The following GRID1 variants were observed in gnomAD, a reference collection of about 807,000 sequenced individuals.
The protein encoded by GRID1 is glutamate receptor ionotropic, delta-1.
In GRID1, 28 loss-of-function variants were observed where a neutral mutation model predicts 98.0. That is an observed-to-expected ratio of 0.29 (90% CI 0.21 to 0.39). The LOEUF is 0.39. Ranked by LOEUF, GRID1 falls within the 10% of genes least tolerant of loss-of-function variation. GRID1 has a pLI of 1.00. For missense variants in GRID1, 1,111 were observed against 1,340.5 expected, an observed-to-expected ratio of 0.83 and a Z score of 2.67; for synonymous variants, 553 against 538.5, an observed-to-expected ratio of 1.03 and a Z score of -0.37.
chr10:85,898,388 T>C (rs536750646), intron 5 of GRID1, among the ~76,000 whole-genome samples: 23 of 152,136 alleles, frequency 1.5e-4, no homozygotes, highest in Non-Finnish European at 3.2e-4. Flanking sequence ...ACACTAAACA[T>C]AGGCAACACT....
intron 2 of GRID1, among the ~76,000 whole-genome samples, chr10:86,285,503 G>A (rs1847418464): frequency 6.6e-6 from 1 of 152,194 alleles, no homozygotes; most frequent in African/African-American, 2.4e-5. Context: ...CCAGCCCAGG[G>A]CCCCTGCCGA....
chr10:85,705,377 C>T (rs146127221), intron 12 of GRID1, among the ~76,000 whole-genome samples: 2,965 of 152,172 alleles, frequency 0.019, 50 homozygotes, highest in East Asian at 0.06. Context: ...ATAAATTCCT[C>T]GAAACATACA....
At chr10:86,361,775 A>G (rs1277911886) in intron 2 of GRID1, among the ~76,000 whole-genome samples, 1 of 152,268 alleles carries the variant, frequency 6.6e-6, no homozygotes, top group Non-Finnish European at 1.5e-5. Context: ...AAATCAGCAC[A>G]TCTACAACAG....
chr10:86,052,567 T>A (rs1218535567), intron 4 of GRID1: 1 of 152,144 alleles, frequency 6.6e-6, no homozygotes, highest in Non-Finnish European at 1.5e-5. Context: ...GCTGTCGGCT[T>A]TTTAAATGAA....
chr10:85,764,059 A>G (rs1842173918), intron 8 of GRID1, among the ~76,000 whole-genome samples: 1 of 152,118 alleles, frequency 6.6e-6, no homozygotes, highest in African/African-American at 2.4e-5. Flanking sequence ...AGCCAAAGAG[A>G]TGCGTTTTCT....
At chr10:85,853,732 A>G (rs1843081968) in intron 8 of GRID1, among the ~76,000 whole-genome samples, 1 of 152,164 alleles carries the variant, frequency 6.6e-6, no homozygotes, top group South Asian at 2.1e-4. Context: ...TCACTTGGAT[A>G]ATTGTTCTAA....
chr10:86,351,964 G>A (rs1013327581), intron 2 of GRID1, among the ~76,000 whole-genome samples: 2 of 152,182 alleles, frequency 1.3e-5, no homozygotes, highest in Admixed American at 6.5e-5. Flanking sequence ...TGTGAATTAC[G>A]TCCCTTGTTT....
chr10:86,118,044 G>T (rs1360226628), intron 4 of GRID1, among the ~76,000 whole-genome samples: 2 of 152,172 alleles, frequency 1.3e-5, no homozygotes, highest in South Asian at 2.1e-4. Flanking sequence ...CAAAAATATG[G>T]AACCAGCCCA....
rs1191875669 is a variant in GRID1, at chr10:86,366,282, C to T, written c.79+32G>A. 1 of 1,456,634 alleles carries T rather than the reference C, an allele frequency of 6.9e-7. No homozygotes were observed. The highest frequency in any genetic ancestry group is 9.2e-7 in the Non-Finnish European group (1 of 1,092,756). 90.2% of individuals were successfully genotyped at this position (1,456,634 alleles called of 1,614,324 possible). A position where few individuals can be genotyped will look rare whatever the true frequency, so the allele number is the denominator to read the frequency against. On this transcript the variant is annotated intron_variant, in intron 1 of 15. Transcript: ENST00000327946. This position sits in a 1 kb window ranked among gnomAD's most constrained non-coding sequence, Gnocchi z 4.1. ...CCCCCTGCCCCGTTGGGGCCCCCGC[C>T]CAGCCTCGGCCCGGCCTCCAGCCGC...
chr10:85,822,127 G>A (rs1208136914), intron 8 of GRID1, among the ~76,000 whole-genome samples: 1 of 152,060 alleles, frequency 6.6e-6, no homozygotes, highest in Non-Finnish European at 1.5e-5. Context: ...ATAGGCATGG[G>A]CAAGGACTTC....
At chr10:85,694,347 A>C (rs985175183) in intron 12 of GRID1, among the ~76,000 whole-genome samples, 4 of 151,920 alleles carry the variant, frequency 2.6e-5, no homozygotes, top group Non-Finnish European at 5.9e-5. Context: ...TTAGTACAAC[A>C]TCTATGGAAA....
At chr10:85,881,867 T>C (rs568795267) in intron 5 of GRID1, among the ~76,000 whole-genome samples, 15 of 152,138 alleles carry the variant, frequency 9.9e-5, no homozygotes, top group Non-Finnish European at 1.6e-4. Flanking sequence ...ATTTTTGCAA[T>C]CTACTCATCT....
intron 4 of GRID1, among the ~76,000 whole-genome samples, chr10:86,076,730 C>T (rs1179554638): frequency 6.6e-6 from 1 of 151,782 alleles, no homozygotes; most frequent in Non-Finnish European, 1.5e-5. Context: ...CACATCATGG[C>T]GAGCAATCTG....
intron 4 of GRID1, among the ~76,000 whole-genome samples, chr10:86,075,034 GC>G (rs1426877771): frequency 6.6e-6 from 1 of 151,604 alleles, no homozygotes; most frequent in Non-Finnish European, 1.5e-5. Context: ...AAAGGAACGA[GC>G]AAGCTTCACT....
intron 12 of GRID1, among the ~76,000 whole-genome samples, chr10:85,690,842 T>C (rs923561130): frequency 7.2e-5 from 11 of 151,794 alleles, no homozygotes; most frequent in Admixed American, 2.0e-4. Flanking sequence ...TAATAAGCCA[T>C]TCTGATTTTC....
chr10:85,902,782 T>A (rs1309480956), intron 5 of GRID1, among the ~76,000 whole-genome samples: 1 of 152,186 alleles, frequency 6.6e-6, no homozygotes, highest in African/African-American at 2.4e-5. Context: ...GGTTCTGTCC[T>A]CCCACCTTTC....
intron 2 of GRID1, among the ~76,000 whole-genome samples, chr10:86,216,792 G>A (rs1194179261): frequency 4.6e-5 from 7 of 152,272 alleles, no homozygotes; most frequent in East Asian, 1.9e-4. Flanking sequence ...AGAGAGGGTG[G>A]AGACTTGGGC....
intron 2 of GRID1, among the ~76,000 whole-genome samples, chr10:86,347,835 G>A (rs1011443962): frequency 2.0e-5 from 3 of 152,222 alleles, no homozygotes; most frequent in African/African-American, 7.2e-5. Context: ...ACCCACAGCA[G>A]GTTTCCCTGG....
Position 85,613,401 on chromosome 10 carries a change from GC to G in GRID1, c.2601+5del. The G allele has an allele frequency of 6.2e-7, 1 of 1,610,662 alleles. No individual in the cohort carries two copies. Among genetic ancestry groups the G allele is most frequent in the Non-Finnish European group, 8.5e-7 (1 of 1,178,642 alleles). On this transcript the variant is annotated splice_donor_5th_base_variant and intron_variant, in intron 15 of 15. Coordinates refer to ENST00000327946, the MANE Select transcript of GRID1 (RefSeq NM_017551.3). ...TGAAAGGGAGGGCAGGCCCCAGGGTGCTGACCTCCTTGGGGGTCTCCTGGTG... is the reference window on the plus strand; with the variant it reads ...TGAAAGGGAGGGCAGGCCCCAGGGTGTGACCTCCTTGGGGGTCTCCTGGTG...
Sources: allele counts gnomAD v4.1 joint callset (sites outside exome capture counted in the v4.1 genomes callset), GRCh38; gene constraint gnomAD v4.1.1; non-coding constraint Gnocchi (gnomAD v3.1); transcripts MANE v1.5; gene names NCBI Gene and HGNC (gene_info 2026-07-23, HGNC 2026-07-21).